FAM120A: variants seen among roughly 807,000 people sequenced by gnomAD.
FAM120A encodes family with sequence similarity 120 member A.
In FAM120A, 15 loss-of-function variants were observed where a neutral mutation model predicts 109.7. That is an observed-to-expected ratio of 0.14 (90% CI 0.09 to 0.21). The LOEUF (loss-of-function observed/expected upper bound fraction) is 0.21. FAM120A is among the 10% of genes least tolerant of loss of function. The probability of loss-of-function intolerance (pLI) is 1.00; values close to 1 mark genes in which losing one functional copy is unlikely to be tolerated. For missense variants in FAM120A, 899 were observed against 1,439.3 expected (o/e 0.62, Z 6.07); for synonymous variants, 493 against 572.8 (o/e 0.86, Z 1.99).
chr9:93,494,101 G>A (rs755727689), intron 3 of FAM120A, among the ~76,000 whole-genome samples: 9 of 152,144 alleles, frequency 5.9e-5, no homozygotes, highest in South Asian at 2.1e-4. Context: ...GCCCCATCAC[G>A]GGTTCTTAGT....
intron 11 of FAM120A, among the ~76,000 whole-genome samples, chr9:93,548,114 A>AT (rs201973622): frequency 1.6e-4 from 24 of 151,020 alleles, no homozygotes; most frequent in Middle Eastern, 6.8e-3. Context: ...AAAAAAAAAA[A>AT]TTTTTTTTTG....
intron 10 of FAM120A, among the ~76,000 whole-genome samples, chr9:93,539,470 C>T (rs1861624084): frequency 6.6e-6 from 1 of 152,304 alleles, no homozygotes; most frequent in East Asian, 1.9e-4. Flanking sequence ...CAGAGGTTTT[C>T]AGTTAGATGA....
chr9:93,554,395 T>C (rs1022206476), intron 12 of FAM120A, among the ~76,000 whole-genome samples: 1 of 152,152 alleles, frequency 6.6e-6, no homozygotes, highest in African/African-American at 2.4e-5. Context: ...AGGGGCTGGA[T>C]GCGGTGGCTC....
chr9:93,506,418 G>A (rs1588855606), intron 5 of FAM120A, among the ~76,000 whole-genome samples: 1 of 152,172 alleles, frequency 6.6e-6, no homozygotes, highest in East Asian at 1.9e-4. Context: ...TTCTATGTGT[G>A]TCTTATATTT....
intron 3 of FAM120A, among the ~76,000 whole-genome samples, chr9:93,478,320 T>C (rs1239787375): frequency 1.3e-5 from 2 of 151,732 alleles, no homozygotes; most frequent in East Asian, 1.9e-4. Flanking sequence ...GCTTTATGCA[T>C]GCATTTTGAT....
intron 1 of FAM120A, among the ~76,000 whole-genome samples, chr9:93,469,718 T>C (rs1858224063): frequency 6.6e-6 from 1 of 152,238 alleles, no homozygotes; most frequent in African/African-American, 2.4e-5. Context: ...GTTATTTGAC[T>C]GATTGGATGT....
intron 3 of FAM120A, among the ~76,000 whole-genome samples, chr9:93,481,156 G>A (rs1379718892): frequency 6.6e-6 from 1 of 152,244 alleles, no homozygotes; most frequent in African/African-American, 2.4e-5. Flanking sequence ...CATCAGAGGC[G>A]GCCTGCGGCT....
chr9:93,543,141 C>T, intron 10 of FAM120A, 81 bp from the exon 11 acceptor site: 2 of 1,532,790 alleles, frequency 1.3e-6, no homozygotes, highest in Non-Finnish European at 1.8e-6. Flanking sequence ...AGACCAGTTA[C>T]TAGAGCTGCT....
intron 12 of FAM120A, among the ~76,000 whole-genome samples, chr9:93,555,379 C>A (rs1862254132): frequency 6.6e-6 from 1 of 152,184 alleles, no homozygotes; most frequent in Non-Finnish European, 1.5e-5. Flanking sequence ...TTAACACAAA[C>A]AACAAAAACA....
chr9:93,487,728 A>G (rs923931431), intron 3 of FAM120A, among the ~76,000 whole-genome samples: 3 of 152,118 alleles, frequency 2.0e-5, no homozygotes, highest in Admixed American at 6.6e-5. Context: ...GGAATGTGAT[A>G]TTTTCTTGAT....
chr9:93,525,405 G>T (rs1861032668), intron 7 of FAM120A, among the ~76,000 whole-genome samples: 1 of 152,120 alleles, frequency 6.6e-6, no homozygotes, highest in African/African-American at 2.4e-5. Flanking sequence ...CCCTCCAAGA[G>T]CCCCAGACAC....
chr9:93,464,071 A>G (rs757579899), intron 1 of FAM120A, among the ~76,000 whole-genome samples: 4 of 152,210 alleles, frequency 2.6e-5, no homozygotes, highest in Non-Finnish European at 5.9e-5. Flanking sequence ...GAGTTCACCT[A>G]CCTGGTGCCA....
intron 3 of FAM120A, among the ~76,000 whole-genome samples, chr9:93,488,576 G>T (rs537739962): frequency 1.1e-3 from 164 of 151,964 alleles, no homozygotes; most frequent in Non-Finnish European, 1.7e-3. Flanking sequence ...TGAGCTCTCC[G>T]CCCAGTCCTC....
chr9:93,517,914 C>A (rs754497888), intron 7 of FAM120A, among the ~76,000 whole-genome samples: 2 of 152,162 alleles, frequency 1.3e-5, no homozygotes, highest in Non-Finnish European at 2.9e-5. Context: ...GTATGCACTT[C>A]CTACCTGTCT....
intron 3 of FAM120A, among the ~76,000 whole-genome samples, chr9:93,479,805 ACTCT>A (rs1287779414): frequency 6.6e-6 from 1 of 152,058 alleles, no homozygotes; most frequent in East Asian, 1.9e-4. Flanking sequence ...TAAATTTTTA[ACTCT>A]CTGACTGTCA....
At chr9:93,454,129 G>A (rs1317228757) in intron 1 of FAM120A, among the ~76,000 whole-genome samples, 1 of 152,156 alleles carries the variant, frequency 6.6e-6, no homozygotes, top group Non-Finnish European at 1.5e-5. Context: ...TCAGTGTTAG[G>A]AAACTAGATT....
In FAM120A at chr9:93,557,934, C is replaced by T. The variant is rs770779806; in HGVS notation, c.2592C>T (p.Pro864=). 2 of 1,609,336 alleles carry T rather than the reference C, an allele frequency of 1.2e-6. No individual in the cohort carries two copies. The highest frequency in any genetic ancestry group is 1.7e-6 in the Non-Finnish European group (2 of 1,179,902). Residue 864 remains proline (P), a synonymous_variant, in exon 14 of 18, where the codon CCC becomes CCT. Transcript: ENST00000277165. ...TLPFPPPPAL[P]FYPASAYPRH... ...CTTTCCCGCCGCCACCTGCCCTGCC[C>T]TTCTACCCTGCCTCTGCGTACCCCC...
At chr9:93,510,159 C>A (rs766076825) in intron 5 of FAM120A, among the ~76,000 whole-genome samples, 2 of 152,198 alleles carry the variant, frequency 1.3e-5, no homozygotes, top group Non-Finnish European at 2.9e-5. Flanking sequence ...AAATTGGATT[C>A]TTCTGCTGGT....
At chr9:93,519,563 G>C (rs1002004340) in intron 7 of FAM120A, among the ~76,000 whole-genome samples, 3 of 152,070 alleles carry the variant, frequency 2.0e-5, no homozygotes, top group African/African-American at 7.2e-5. Flanking sequence ...ATAATTTCTA[G>C]ACTGTAAAAT....
Sources: gnomAD v4.1 joint callset for allele counts (sites outside exome capture counted in the v4.1 genomes callset) on GRCh38, gnomAD v4.1.1 for gene constraint, MANE v1.5 for transcripts, NCBI Gene and HGNC (gene_info 2026-07-23, HGNC 2026-07-21) for gene names.